ASGR2: variants seen among roughly 807,000 people sequenced by gnomAD.
The protein encoded by ASGR2 is asialoglycoprotein receptor 2, also known as C-type lectin domain family 4 member H2.
Under a neutral mutation model 32.3 loss-of-function variants are expected in ASGR2, and 34 were observed. The observed-to-expected ratio is 1.05, with a 90% CI of 0.80 to 1.40. The LOEUF (loss-of-function observed/expected upper bound fraction) is 1.40, where lower values mean the gene tolerates loss of function less well. Among genes scored for constraint, ASGR2 ranks in the 40% most tolerant of loss-of-function variants. The pLI is 0.00. For missense variants in ASGR2, 385 were observed against 386.4 expected (o/e 1.00, Z 0.03); for synonymous variants, 143 against 150.0 (o/e 0.95, Z 0.34).
Position 7,102,022 on chromosome 17 carries a change from T to C in ASGR2, c.755+68A>G, listed in dbSNP as rs1046674522. 5 of 1,485,938 alleles carry C rather than the reference T, an allele frequency of 3.4e-6. No homozygotes were observed. The African/African-American group carries it at 5.5e-5, about 16-fold the overall frequency. The allele number at this position is 1,485,938 out of a possible 1,614,324, so 92.0% of individuals were successfully genotyped here. ...CCCTGAGGGACGAGTCAGGGTAGCT[T>C]GGAGTGAAAGGCCAGGGGGCTGTCC... On this transcript the variant is annotated intron_variant, in intron 8 of 8. Transcript: ENST00000691900.
intron 2 of ASGR2, among the ~76,000 whole-genome samples, chr17:7,112,440 C>T (rs1482260607): frequency 1.3e-5 from 2 of 152,096 alleles, no homozygotes; most frequent in Admixed American, 6.5e-5. Flanking sequence ...CTCACTCTCC[C>T]ATTAATTTCA....
In ASGR2 at chr17:7,108,456, C is replaced by T; in HGVS notation, c.337+6G>A. 1 of 1,592,960 alleles carries T rather than the reference C, an allele frequency of 6.3e-7. No homozygotes were observed. Among genetic ancestry groups the T allele is most frequent in the Middle Eastern group, 1.7e-4 (1 of 5,974 alleles). On this transcript the variant is annotated splice_donor_region_variant and intron_variant, in intron 4 of 8. Transcript: ENST00000691900. The surrounding 1 kb of genome is among the most constrained non-coding windows in gnomAD (Gnocchi z 4.9). ...TAAATGAGAACCCAGCCGTCCAGCC[C>T]CTCACCGTGGGTGCTGATTGCCTGG... is the stretch of plus-strand genomic sequence containing the variant.
At position 7,113,405 on chromosome 17, in the gene ASGR2, TCGCACAACATACACACA is replaced by T. The variant is rs1431390199; in HGVS notation, c.124+695_124+711del. ...CAACATACACACACAACACACACAC[TCGCACAACATACACACA>T]CGCACAACATACACAACACTCACAC... On this transcript the variant is annotated intron_variant, in intron 2 of 8. Coordinates refer to ENST00000691900, the MANE Select transcript of ASGR2 (RefSeq NM_001201352.2). The surrounding 1 kb of genome is among the most constrained non-coding windows in gnomAD (Gnocchi z 5.1). Among the ~76,000 whole-genome samples, 2 of 135,174 alleles carry T rather than the reference TCGCACAACATACACACA, an allele frequency of 1.5e-5. No individual in the cohort carries two copies. Among genetic ancestry groups the T allele is most frequent in the East Asian group, 2.2e-4 (1 of 4,448 alleles). The allele number at this position is 135,174 out of a possible 152,430, so 88.7% of individuals were successfully genotyped here.
At chr17:7,112,099 G>A (rs1274257929) in intron 2 of ASGR2, among the ~76,000 whole-genome samples, 5 of 141,158 alleles carry the variant, frequency 3.5e-5, no homozygotes, top group Non-Finnish European at 3.1e-5. Context: ...AGGGGAAGGG[G>A]AAAATTTTAG....
In ASGR2 at chr17:7,107,288, G is replaced by A; in HGVS notation, c.439C>T (p.His147Tyr). The A allele has an allele frequency of 6.2e-7, 1 of 1,613,812 alleles. No homozygotes were observed. The highest frequency in any genetic ancestry group is 8.5e-7 in the Non-Finnish European group (1 of 1,180,034). Residue 147 changes from histidine (H) to tyrosine (Y), a missense_variant, in exon 6 of 9, where the codon CAC becomes TAC. By Grantham distance (83) the His-to-Tyr change is moderately conservative. Transcript: ENST00000691900. The surrounding 1 kb of genome is among the most constrained non-coding windows in gnomAD (Gnocchi z 5.0). Reference protein sequence around the residue: ...DHDALLFHLKHFPVDLRFVAC... With the variant: ...DHDALLFHLKYFPVDLRFVAC... ...ACGAAGCGCAGGTCCACGGGGAAGT[G>A]CTTCAGATGGAAGAGCAGGGCATCG... is the stretch of plus-strand genomic sequence containing the variant.
chr17:7,114,116 C>T lies in ASGR2; in HGVS notation c.124+1G>A. On this transcript the variant is annotated splice_donor_variant, in intron 2 of 8. Coordinates refer to ENST00000691900, the MANE Select transcript of ASGR2 (RefSeq NM_001201352.2). LOFTEE classifies it high-confidence loss of function. The surrounding 1 kb of genome is among the most constrained non-coding windows in gnomAD (Gnocchi z 4.5). ...CAAAGCCGCAGAAACTGCACACTTG[C>T]CTTTCAAAAATGGATTTCCTCTCCT... The T allele has an allele frequency of 6.2e-7, 1 of 1,614,164 alleles. No homozygotes were observed. Among genetic ancestry groups the T allele is most frequent in the Non-Finnish European group, 8.5e-7 (1 of 1,180,020 alleles).
rs953933008 is a variant in ASGR2 at position 7,113,020 on chromosome 17, C to T, written c.124+1097G>A. Among the ~76,000 whole-genome samples the T allele has an allele frequency of 5.3e-5, 8 of 152,056 alleles. No homozygotes were observed. Among genetic ancestry groups the T allele is most frequent in the African/African-American group, 1.9e-4 (8 of 41,396 alleles). ...AAAATTTTTTTTAATTTGCCAGGCA[C>T]AGTGGTGCACACCTGTAAGTCCTAA... On this transcript the variant is annotated intron_variant, in intron 2 of 8. Transcript: ENST00000691900. The surrounding 1 kb of genome is among the most constrained non-coding windows in gnomAD (Gnocchi z 5.1).
In ASGR2 at chr17:7,108,484, C is replaced by T; in HGVS notation, c.315G>A (p.Glu105=). 6.2e-7 allele frequency: 1 copy of T among 1,607,184 alleles called. No individual in the cohort carries two copies. Among genetic ancestry groups the T allele is most frequent in the Middle Eastern group, 1.7e-4 (1 of 6,010 alleles). ...CACCGTGGGTGCTGATTGCCTGGAC[C>T]TCCGTCAGGGTGCTCGAGGAGAAGT... ...FSNFSSSTLT[E]VQAISTHGGS... Residue 105 remains glutamate, a synonymous_variant, in exon 4 of 9, where the codon GAG becomes GAA. Transcript: ENST00000691900. The surrounding 1 kb of genome is among the most constrained non-coding windows in gnomAD (Gnocchi z 4.9).
At position 7,109,656 on chromosome 17, in the gene ASGR2, A is replaced by G. The variant is rs193001349; in HGVS notation, c.125-768T>C. Among the ~76,000 whole-genome samples the G allele has an allele frequency of 8.7e-4, 132 of 152,132 alleles. 1 individual carries two copies. The highest frequency in any genetic ancestry group is 3.1e-3 in the African/African-American group (129 of 41,508). ...CTTGATCCATCTGCACCCTGACAGC[A>G]CTGACACACACATTCACATGCCCTC... is the stretch of plus-strand genomic sequence containing the variant. On this transcript the variant is annotated intron_variant, in intron 2 of 8. Transcript: ENST00000691900.
intron 2 of ASGR2, among the ~76,000 whole-genome samples, chr17:7,110,046 G>A (rs314239): frequency 0.42 from 63,195 of 151,702 alleles, 14,746 homozygotes; most frequent in Non-Finnish European, 0.52. Context: ...ATCACCCCCC[G>A]ACCCAGCAGG....
In ASGR2 at chr17:7,108,514, G is replaced by A; in HGVS notation, c.285C>T (p.Phe95=). Residue 95 remains phenylalanine, a synonymous_variant, in exon 4 of 9, where the codon TTC becomes TTT. Coordinates refer to ENST00000691900, the MANE Select transcript of ASGR2 (RefSeq NM_001201352.2). This position sits in a 1 kb window ranked among gnomAD's most constrained non-coding sequence, Gnocchi z 4.9. ...QAELRSLKEA[F]SNFSSSTLTE... ...TCAGGGTGCTCGAGGAGAAGTTGCT[G>A]AAAGCTTCCTTCAGGCTCCGCAGCT... is the stretch of plus-strand genomic sequence containing the variant. 1 of 1,610,202 alleles carries A rather than the reference G, an allele frequency of 6.2e-7. No homozygotes were observed. The highest frequency in any genetic ancestry group is 8.5e-7 in the Non-Finnish European group (1 of 1,178,460).
Position 7,101,735 on chromosome 17 carries a change from C to T in ASGR2, c.761G>A (p.Trp254Ter), listed in dbSNP as rs1358040424. The change falls in exon 9 of 9, where the codon TGG becomes TAG. Residue 254 changes from tryptophan to a stop codon, truncating the protein, a stop_gained. Transcript: ENST00000691900. LOFTEE classifies it low-confidence loss of function (END_TRUNC). ...CCAATTATCTGGCTGAGTGACAGCC[C>T]AGTTCCTAAGGAGGCAAGAGAAAAC... Reference protein sequence around the residue: ...GTDYRHNYKNWAVTQPDNWHG... With the variant: ...GTDYRHNYKN 1 of 1,613,618 alleles carries T rather than the reference C, an allele frequency of 6.2e-7. No individual in the cohort carries two copies. Among genetic ancestry groups the T allele is most frequent in the Non-Finnish European group, 8.5e-7 (1 of 1,179,746 alleles).
chr17:7,113,558 CAACA>C lies in ASGR2; in HGVS notation c.124+555_124+558del, dbSNP rs1915048764. ...CACTCATACACAACATACATACACA[CAACA>C]TACACACAACATACACACACTCACA... On this transcript the variant is annotated intron_variant, in intron 2 of 8. Coordinates refer to ENST00000691900, the MANE Select transcript of ASGR2 (RefSeq NM_001201352.2). This position sits in a 1 kb window ranked among gnomAD's most constrained non-coding sequence, Gnocchi z 5.1. Among the ~76,000 whole-genome samples the C allele has an allele frequency of 1.3e-5, 2 of 150,364 alleles. No individual in the cohort carries two copies. The highest frequency in any genetic ancestry group is 2.1e-4 in the South Asian group (1 of 4,740).
rs1427035777 is a variant in ASGR2 at position 7,107,703 on chromosome 17, A to C, written c.409+133T>G. 3 of 1,101,696 alleles carry C rather than the reference A, an allele frequency of 2.7e-6. No homozygotes were observed. In the African/African-American group the frequency reaches 4.7e-5, roughly 17 times the overall value. The allele number at this position is 1,101,696 out of a possible 1,614,324, so 68.2% of individuals were successfully genotyped here. ...ACCACACATACGGAGAGAGACACAG[A>C]TACACATGCTTGCAGGCACACACAC... On this transcript the variant is annotated intron_variant, in intron 5 of 8. Coordinates refer to ENST00000691900, the MANE Select transcript of ASGR2 (RefSeq NM_001201352.2). This position sits in a 1 kb window ranked among gnomAD's most constrained non-coding sequence, Gnocchi z 5.0.
intron 7 of ASGR2, among the ~76,000 whole-genome samples, chr17:7,104,810 A>G (rs1913414901): frequency 6.6e-6 from 1 of 151,702 alleles, no homozygotes; most frequent in Non-Finnish European, 1.5e-5. Context: ...CCCTGTCTCT[A>G]CTAAAAAATA....
chr17:7,107,895 C>T lies in ASGR2; in HGVS notation c.350G>A (p.Gly117Asp). 1.2e-6 allele frequency: 2 copies of T among 1,613,648 alleles called. No individual in the cohort carries two copies. Among genetic ancestry groups the T allele is most frequent in the Non-Finnish European group, 1.7e-6 (2 of 1,179,964 alleles). Residue 117 changes from glycine (G) to aspartate (D), a missense_variant, in exon 5 of 9, where the codon GGT becomes GAT. Physicochemically the swap from Gly to Asp is moderately conservative, Grantham distance 94. Coordinates refer to ENST00000691900, the MANE Select transcript of ASGR2 (RefSeq NM_001201352.2). The surrounding 1 kb of genome is among the most constrained non-coding windows in gnomAD (Gnocchi z 5.0). ...GGCTCCTAGGGATGTGATCTTGTCA[C>T]CCACGCTGCCTCCTGGAAGCGGAAA... Reference protein sequence around the residue: ...QAISTHGGSVGDKITSLGAKL... With the variant: ...QAISTHGGSVDDKITSLGAKL...
At chr17:7,111,042 C>T (rs1314112514) in intron 2 of ASGR2, among the ~76,000 whole-genome samples, 2 of 152,198 alleles carry the variant, frequency 1.3e-5, no homozygotes, top group Non-Finnish European at 2.9e-5. Context: ...TGCTTAACTG[C>T]ATCCCGGAGC....
At chr17:7,111,726 C>T (rs953602239) in intron 2 of ASGR2, among the ~76,000 whole-genome samples, 2 of 149,302 alleles carry the variant, frequency 1.3e-5, no homozygotes, top group Non-Finnish European at 3.0e-5. Context: ...ATGAGAAATG[C>T]GTAAGAAAAA....
chr17:7,104,064 A>G (rs1253007708), intron 7 of ASGR2, among the ~76,000 whole-genome samples: 1 of 151,998 alleles, frequency 6.6e-6, no homozygotes, highest in East Asian at 1.9e-4. Flanking sequence ...ACTAAAAAAA[A>G]AAGCCCAGGT....
Sources: gnomAD v4.1 joint callset for allele counts (sites outside exome capture counted in the v4.1 genomes callset) on GRCh38, gnomAD v4.1.1 for gene constraint, Gnocchi (gnomAD v3.1) non-coding constraint, MANE v1.5 for transcripts, NCBI Gene and HGNC (gene_info 2026-07-23, HGNC 2026-07-21) for gene names.